MYH6: variants seen among roughly 807,000 people sequenced by gnomAD.
MYH6 encodes myosin heavy chain 6, also known as myosin-6.
Under a neutral mutation model 223.2 loss-of-function variants are expected in MYH6, and 126 were observed. The observed-to-expected ratio is 0.56, with a 90% CI of 0.49 to 0.65. MYH6 has a LOEUF of 0.65. Among genes scored for constraint, MYH6 ranks in the 30% least tolerant of loss-of-function variants. The pLI is 0.00. For missense variants in MYH6, 2,040 were observed against 2,536.4 expected (o/e 0.80, Z 4.20); for synonymous variants, 978 against 1,010.2 (o/e 0.97, Z 0.61).
At position 23,402,574 on chromosome 14, in the gene MYH6, G is replaced by A. The variant is rs1339734533; in HGVS notation, c.1031C>T (p.Ser344Leu). 1.9e-6 allele frequency: 3 copies of A among 1,613,668 alleles called. No individual in the cohort carries two copies. The highest frequency in any genetic ancestry group is 1.7e-6 in the Non-Finnish European group (2 of 1,179,978). Residue 344 changes from serine (S) to leucine (L), a missense_variant, in exon 12 of 39, where the codon TCA becomes TTA. Ser to Leu is a moderately radical substitution (Grantham distance 145). Around this residue, in one of 4 missense-constraint regions of MYH6, gnomAD observed 649 missense variants for 877.3 expected, o/e 0.74. Coordinates refer to ENST00000405093, the MANE Select transcript of MYH6 (RefSeq NM_002471.4). ...DSAFDVLGFT[S>L]EEKAGVYKLT... Reference sequence around the variant, plus strand: ...CTTGTAGACGCCAGCTTTCTCCTCTGAAGTGAAGCCCAGCACGTCAAAGGC... The same window carrying A: ...CTTGTAGACGCCAGCTTTCTCCTCTAAAGTGAAGCCCAGCACGTCAAAGGC...
rs751363583 is a variant in MYH6 at position 23,384,434 on chromosome 14, C to T, written c.5565+8G>A. 2.3e-5 allele frequency: 37 copies of T among 1,608,970 alleles called. No individual in the cohort carries two copies. Among genetic ancestry groups the T allele is most frequent in the Non-Finnish European group, 2.8e-5 (33 of 1,180,004 alleles). Reference sequence around the variant, plus strand: ...ACATCTACTCCTGGTGTCTGGCGTCCGCCGCACCTGGTAGGTGAGCTCCTT... The same window carrying T: ...ACATCTACTCCTGGTGTCTGGCGTCTGCCGCACCTGGTAGGTGAGCTCCTT... On this transcript the variant is annotated splice_region_variant and intron_variant, in intron 36 of 38. Transcript: ENST00000405093.
intron 15 of MYH6, among the ~76,000 whole-genome samples, chr14:23,398,113 A>T (rs977000747): frequency 7.9e-5 from 12 of 151,296 alleles, no homozygotes; most frequent in Admixed American, 6.6e-4. Context: ...CGTCGCCCGG[A>T]TTCAAGCAAC....
Position 23,384,935 on chromosome 14 carries a change from G to C in MYH6, c.5270C>G (p.Ala1757Gly). 6.2e-7 allele frequency: 1 copy of C among 1,614,144 alleles called. No individual in the cohort carries two copies. The highest frequency in any genetic ancestry group is 1.3e-5 in the African/African-American group (1 of 75,052). ...VQECRNAEEK[A>G]KKAITDAAMM... is the part of the protein sequence containing the mutation. ...ACTTACATCCGTGATGGCCTTCTTG[G>C]CCTTCTCCTCGGCGTTTCTGCACTC... Residue 1757 changes from alanine (A) to glycine (G), a missense_variant, in exon 35 of 39, where the codon GCC becomes GGC. Around this residue, in one of 4 missense-constraint regions of MYH6, gnomAD observed 1,203 missense variants for 1,400.2 expected, o/e 0.86. Transcript: ENST00000405093.
chr14:23,398,592 G>T, intron 15 of MYH6, 136 bp downstream of exon 15: 2 of 958,978 alleles, frequency 2.1e-6, no homozygotes, highest in East Asian at 2.4e-5. Context: ...GGACTGTGGT[G>T]AGGTGAGCCA....
intron 12 of MYH6, 22 bp downstream of exon 12, chr14:23,402,442 G>A (rs1891630801): frequency 3.7e-6 from 6 of 1,611,540 alleles, no homozygotes; most frequent in Non-Finnish European, 5.1e-6. Context: ...CCTTCCCAGG[G>A]CTGCCTGCCT....
Position 23,387,929 on chromosome 14 carries a change from C to G in MYH6, c.4360-6G>C. 1.2e-6 allele frequency: 2 copies of G among 1,613,270 alleles called. No homozygotes were observed. The highest frequency in any genetic ancestry group is 1.3e-5 in the African/African-American group (1 of 75,004). ...TGCTTCCACTCGGCCAGGATCTGCC[C>G]GGGGACAAGGCTCACTCTTCAGCCC... On this transcript the variant is annotated splice_region_variant and splice_polypyrimidine_tract_variant and intron_variant, in intron 30 of 38. Transcript: ENST00000405093.
At chr14:23,391,195 G>A (rs1291937377) in intron 25 of MYH6, among the ~76,000 whole-genome samples, 2 of 152,204 alleles carry the variant, frequency 1.3e-5, no homozygotes, top group Non-Finnish European at 2.9e-5. Flanking sequence ...CAAAACGGGG[G>A]TTCAGTGGAA....
In MYH6 at chr14:23,404,724, G is replaced by A; in HGVS notation, c.629C>T (p.Ala210Val). ...CCCCCATGGCACCTTGTTCGCATTGGCATTGTCCTTCTTGCCACGGTCACC... is the reference window on the plus strand; with the variant it reads ...CCCCCATGGCACCTTGTTCGCATTGACATTGTCCTTCTTGCCACGGTCACC... The part of the protein sequence containing the change: ...AIGDRGKKDN[A>V]NANKGTLEDQ... The change falls in exon 7 of 39, where the codon GCC becomes GTC. Residue 210 changes from alanine (A) to valine (V), a missense_variant. This residue lies in a region of MYH6 where 649 missense variants were observed against 877.3 expected (regional missense o/e 0.74). Transcript: ENST00000405093. 6.2e-7 allele frequency: 1 copy of A among 1,614,034 alleles called. No homozygotes were observed. The highest frequency in any genetic ancestry group is 8.5e-7 in the Non-Finnish European group (1 of 1,179,944).
rs1156410308 is a variant in MYH6, at chr14:23,398,249, C to T, written c.1891+479G>A. On this transcript the variant is annotated intron_variant, in intron 15 of 38. Coordinates refer to ENST00000405093, the MANE Select transcript of MYH6 (RefSeq NM_002471.4). ...ACCAGACTGGTCTCGAACTCCTGAC[C>T]TTGTGATCCACCCGCCTCGGCCTCC... Among the ~76,000 whole-genome samples, 4 of 152,118 alleles carry T rather than the reference C, an allele frequency of 2.6e-5. No individual in the cohort carries two copies. The East Asian group carries it at 5.8e-4, about 22-fold the overall frequency.
rs751333990 is a variant in MYH6 at position 23,392,622 on chromosome 14, A to G, written c.3282T>C (p.Ser1094=). The change falls in exon 25 of 39, where the codon AGT becomes AGC. Residue 1094 remains serine, a synonymous_variant. Coordinates refer to ENST00000405093, the MANE Select transcript of MYH6 (RefSeq NM_002471.4). ...KKEFDINQQN[S]KIEDEQVLAL... The stretch of plus-strand genomic sequence containing the variant: ...CCAGCACCTGCTCATCCTCAATCTT[A>G]CTGTTCTGCTGATTAATGTCAAACT... The G allele has an allele frequency of 1.4e-6, 2 of 1,452,920 alleles. No individual in the cohort carries two copies. Among genetic ancestry groups the G allele is most frequent in the Admixed American group, 3.9e-5 (2 of 51,554 alleles). 90.0% of individuals were successfully genotyped at this position (1,452,920 alleles called of 1,614,324 possible). A position where few individuals can be genotyped will look rare whatever the true frequency, so the allele number is the denominator to read the frequency against.
At chr14:23,400,112 A>G (rs2017771752) in intron 14 of MYH6, 144 bp downstream of exon 14, 1 of 1,270,804 alleles carries the variant, frequency 7.9e-7, no homozygotes, top group Non-Finnish European at 1.1e-6. Flanking sequence ...GTTCATGCCC[A>G]TGACTTCACA....
Position 23,386,412 on chromosome 14 carries a change from T to A in MYH6, c.4862A>T (p.Glu1621Val). Residue 1621 changes from glutamate (E) to valine (V), a missense_variant, in exon 33 of 39, where the codon GAA becomes GTA. Physicochemically the swap from Glu to Val is moderately radical, Grantham distance 121 (BLOSUM62 -2). This residue lies in a region of MYH6 where 1,203 missense variants were observed against 1,400.2 expected (regional missense o/e 0.86). Transcript: ENST00000405093. ...NEVLRVKKKM[E>V]GDLNEMEIQL... ...GATCTCCATCTCATTGAGGTCTCCTTCCATCTTCTTCTTCACCCTCAGGAC... is the reference window on the plus strand; with the variant it reads ...GATCTCCATCTCATTGAGGTCTCCTACCATCTTCTTCTTCACCCTCAGGAC... 6.2e-7 allele frequency: 1 copy of A among 1,614,172 alleles called. No homozygotes were observed. Among genetic ancestry groups the A allele is most frequent in the Non-Finnish European group, 8.5e-7 (1 of 1,180,020 alleles).
rs1226936252 is a variant in MYH6, at chr14:23,389,443, A to G, written c.3928T>C (p.Tyr1310His). The G allele has an allele frequency of 6.2e-7, 1 of 1,614,004 alleles. No homozygotes were observed. Among genetic ancestry groups the G allele is most frequent in the South Asian group, 1.1e-5 (1 of 91,068 alleles). Residue 1310 changes from tyrosine to histidine, a missense_variant, in exon 28 of 39, where the codon TAT becomes CAT. Physicochemically the swap from Tyr to His is moderately conservative, Grantham distance 83 (BLOSUM62 2). This residue lies in a region of MYH6 where 1,203 missense variants were observed against 1,400.2 expected (regional missense o/e 0.86). Transcript: ENST00000405093. ...ISQLTRGKLS[Y>H]TQQMEDLKRQ... ...TTGAGGTCCTCCATTTGCTGGGTAT[A>G]AGAGAGCTTCCCCCGGGTCAGCTGC...
At chr14:23,404,409 C>A (rs759493324) in intron 7 of MYH6, 21 bp from the exon 8 acceptor site, 5 of 1,613,138 alleles carry the variant, frequency 3.1e-6, no homozygotes, top group Non-Finnish European at 4.2e-6. Flanking sequence ...AGCAGAACTG[C>A]ATGGGTTCAT....
chr14:23,405,433 G>A lies in MYH6; in HGVS notation c.346-54C>T. 1 of 1,612,728 alleles carries A rather than the reference G, an allele frequency of 6.2e-7. No individual in the cohort carries two copies. The highest frequency in any genetic ancestry group is 8.5e-7 in the Non-Finnish European group (1 of 1,178,880). On this transcript the variant is annotated intron_variant, in intron 4 of 38. Transcript: ENST00000405093. This position sits in a 1 kb window ranked among gnomAD's most constrained non-coding sequence, Gnocchi z 4.7. ...GGTTGGTGGGGAGAGCCTGGGACAG[G>A]CAGTGGTGGCAGCCAGGCATGTCCC...
intron 15 of MYH6, among the ~76,000 whole-genome samples, chr14:23,398,343 C>T (rs1226378343): frequency 6.6e-6 from 1 of 152,150 alleles, no homozygotes; most frequent in Non-Finnish European, 1.5e-5. Flanking sequence ...ACTTTATCCT[C>T]TTCATTTCAA....
At chr14:23,399,218 CTTCCTCCT>C (rs1485093396) in intron 14 of MYH6, among the ~76,000 whole-genome samples, 181 bp from the exon 15 acceptor site, 2 of 152,184 alleles carry the variant, frequency 1.3e-5, no homozygotes, top group African/African-American at 2.4e-5. Flanking sequence ...TAAAAAGCCC[CTTCCTCCT>C]CCTTTCTGCC....
rs1348958800 is a variant in MYH6, at chr14:23,403,854, A to T, written c.736-76T>A. ...AATCCTGGCCCTCTGTTCAGCCCAG[A>T]AGCCCTGGATGGTTCTGGAAATGTA... On this transcript the variant is annotated intron_variant, in intron 8 of 38. Coordinates refer to ENST00000405093, the MANE Select transcript of MYH6 (RefSeq NM_002471.4). 5 of 1,318,748 alleles carry T rather than the reference A, an allele frequency of 3.8e-6. No homozygotes were observed. In the East Asian group the frequency reaches 1.2e-4, roughly 32 times the overall value. 81.7% of individuals were successfully genotyped at this position (1,318,748 alleles called of 1,614,324 possible).
In MYH6 at chr14:23,405,396, G is replaced by A; in HGVS notation, c.346-17C>T. On this transcript the variant is annotated splice_polypyrimidine_tract_variant and intron_variant, in intron 4 of 38. Coordinates refer to ENST00000405093, the MANE Select transcript of MYH6 (RefSeq NM_002471.4). The surrounding 1 kb of genome is among the most constrained non-coding windows in gnomAD (Gnocchi z 4.7). ...CGAGTAGGTCTGGAGCAGGAGACAA[G>A]GCTGGGCATGAGGTTGGTGGGGAGA... is the stretch of plus-strand genomic sequence containing the variant. The A allele has an allele frequency of 1.2e-6, 2 of 1,614,106 alleles. No individual in the cohort carries two copies. The highest frequency in any genetic ancestry group is 1.7e-6 in the Non-Finnish European group (2 of 1,179,948).
Sources: allele counts gnomAD v4.1 joint callset (sites outside exome capture counted in the v4.1 genomes callset), GRCh38; gene constraint gnomAD v4.1.1; regional missense constraint gnomAD v4.1.1; non-coding constraint Gnocchi (gnomAD v3.1); transcripts MANE v1.5; gene names NCBI Gene and HGNC (gene_info 2026-07-23, HGNC 2026-07-21).